Variants in CD99 observed in about 807,000 individuals in gnomAD.
CD99 encodes CD99 molecule (Xg blood group), also known as CD99 antigen.
In CD99, 19 loss-of-function variants were observed where a neutral mutation model predicts 28.4. The ratio of observed to expected loss-of-function variants is 0.67; its 90% confidence interval spans 0.47 to 0.98. CD99 has a LOEUF of 0.98. CD99 is among the 50% of genes least tolerant of loss of function. The pLI, the probability that CD99 is intolerant of heterozygous loss-of-function variation, is 0.00. For synonymous variants in CD99, 103 were observed against 92.1 expected (o/e 1.12, Z -0.67); for missense variants, 283 against 248.8 (o/e 1.14, Z -0.92).
chrX:2,699,940 C>A (rs1221463770), intron 1 of CD99, among the ~76,000 whole-genome samples: 1 of 152,214 alleles, frequency 6.6e-6, no homozygotes, highest in Non-Finnish European at 1.5e-5. Context: ...TTTGTTATTT[C>A]ATCTTCAGCG....
chrX:2,692,053 T>C (rs1251294872), intron 1 of CD99: 8 of 626,444 alleles, frequency 1.3e-5, no homozygotes, highest in Middle Eastern at 3.9e-4. Context: ...CTTACCAAAT[T>C]GTCCATCTGC....
At chrX:2,737,011 G>T (rs1046044834) in intron 8 of CD99, among the ~76,000 whole-genome samples, 14 of 151,818 alleles carry the variant, frequency 9.2e-5, no homozygotes, top group African/African-American at 3.4e-4. Flanking sequence ...CTTAGTGCTC[G>T]GAGTCCTCAC....
Position 2,740,784 on chromosome X carries a change from C to T in CD99, c.538C>T (p.Arg180Cys), listed in dbSNP as rs1422049823. The T allele has an allele frequency of 4.3e-6, 7 of 1,613,864 alleles. No homozygotes were observed. The highest frequency in any genetic ancestry group is 2.2e-5 in the South Asian group (2 of 91,056). Residue 180 changes from arginine to cysteine, a missense_variant, in exon 10 of 10, where the codon CGT becomes TGT. Physicochemically the swap from Arg to Cys is radical, Grantham distance 180. Transcript: ENST00000381192. The stretch of plus-strand genomic sequence containing the variant: ...TTTGTCTCTGTCTCCCACAGTTCAG[C>T]GTACTCTTTTAGAGAAATAGAAGAT... The part of the protein sequence containing the change: ...RNANAEPAVQ[R>C]TLLEK
chrX:2,739,449 T>C (rs73630844), intron 9 of CD99, among the ~76,000 whole-genome samples: 4,099 of 151,896 alleles, frequency 0.027, 191 homozygotes, highest in African/African-American at 0.094. Context: ...TTTAAAATAT[T>C]TTAATTTTTT....
At chrX:2,695,267 A>G (rs1265524502) in intron 1 of CD99, among the ~76,000 whole-genome samples, 3 of 151,928 alleles carry the variant, frequency 2.0e-5, no homozygotes, top group African/African-American at 7.3e-5. Context: ...GTGAAGTGGC[A>G]CGATCTCAGC....
At chrX:2,722,582 G>A (rs1321418386) in intron 5 of CD99, 45 bp from the exon 6 acceptor site, 1 of 1,581,136 alleles carries the variant, frequency 6.3e-7, no homozygotes, top group South Asian at 1.1e-5. Flanking sequence ...GAAGACCCTT[G>A]GAGGAGTTCC....
intron 8 of CD99, among the ~76,000 whole-genome samples, chrX:2,732,108 C>T (rs1326187113): frequency 1.3e-5 from 2 of 152,088 alleles, no homozygotes; most frequent in East Asian, 3.9e-4. Flanking sequence ...TCCGTTCCTC[C>T]CTTCCTACAG....
chrX:2,711,837 C>G lies in CD99; in HGVS notation c.68-2585C>G, dbSNP rs185115008. On this transcript the variant is annotated intron_variant, in intron 1 of 9. Transcript: ENST00000381192. ...GGTGGATCACCTGAGGTCAGGAGTT[C>G]AAGACCAGCCTGGCCAACATGGTGA... Among the ~76,000 whole-genome samples the G allele has an allele frequency of 8.5e-5, 13 of 152,092 alleles. No individual in the cohort carries two copies. In the East Asian group the frequency reaches 2.3e-3, roughly 27 times the overall value.
chrX:2,722,131 A>T (rs931894681), intron 5 of CD99, among the ~76,000 whole-genome samples: 6 of 144,180 alleles, frequency 4.2e-5, no homozygotes, highest in South Asian at 2.2e-4. Context: ...TTTTAAAATT[A>T]AAAAAAAAAA....
Position 2,740,941 on chromosome X carries a change from C to T in CD99, c.*137C>T. 6 of 968,846 alleles carry T rather than the reference C, an allele frequency of 6.2e-6. No homozygotes were observed. Among genetic ancestry groups the T allele is most frequent in the South Asian group, 1.3e-5 (1 of 76,192 alleles). The allele number at this position is 968,846 out of a possible 1,614,324, so 60.0% of individuals were successfully genotyped here. A position where few individuals can be genotyped will look rare whatever the true frequency, so the allele number is the denominator to read the frequency against. The stretch of plus-strand genomic sequence containing the variant: ...CGGCGGATTCTTTGTTTTAATCTTG[C>T]GATGTGCTTTGCTTGTTGCTGGGCG... On this transcript the variant is annotated 3_prime_UTR_variant, in exon 10 of 10. Coordinates refer to ENST00000381192, the MANE Select transcript of CD99 (RefSeq NM_002414.5).
At position 2,733,442 on chromosome X, in the gene CD99, A is replaced by G. The variant is rs2049779220; in HGVS notation, c.476-4758A>G. On this transcript the variant is annotated intron_variant, in intron 8 of 9. Transcript: ENST00000381192. ...GTAATCGTTTTATCTGCTAAGACAT[A>G]GCCTTAAAGCAAACCCTTCCATCTG... 6 of 1,507,472 alleles carry G rather than the reference A, an allele frequency of 4.0e-6. No homozygotes were observed. In the Admixed American group the frequency reaches 1.2e-4, roughly 29 times the overall value. 93.4% of individuals were successfully genotyped at this position (1,507,472 alleles called of 1,614,324 possible). A position where few individuals can be genotyped will look rare whatever the true frequency, so the allele number is the denominator to read the frequency against.
intron 9 of CD99, among the ~76,000 whole-genome samples, chrX:2,740,333 C>G (rs1195241092): frequency 6.6e-6 from 1 of 152,144 alleles, no homozygotes; most frequent in Admixed American, 6.5e-5. Context: ...ATTCCTTCTT[C>G]CAAATCCCAG....
intron 1 of CD99, among the ~76,000 whole-genome samples, chrX:2,712,664 TG>T (rs2048466867): frequency 6.6e-6 from 1 of 152,098 alleles, no homozygotes; most frequent in Non-Finnish European, 1.5e-5. Flanking sequence ...TCTGAGGTTG[TG>T]GAAACGACTC....
rs766800807 is a variant in CD99 at position 2,691,488 on chromosome X, C to G, written c.67+61C>G. On this transcript the variant is annotated intron_variant, in intron 1 of 9. Transcript: ENST00000381192. ...GAGGGCGCGGGCCGGGACTGGGGAT[C>G]CGCTTGAGATGCGGCGTTGGGGGCG... The G allele has an allele frequency of 3.3e-5, 50 of 1,519,756 alleles. No individual in the cohort carries two copies. In the East Asian group the frequency reaches 1.2e-3, roughly 35 times the overall value. The allele number at this position is 1,519,756 out of a possible 1,614,324, so 94.1% of individuals were successfully genotyped here. A position where few individuals can be genotyped will look rare whatever the true frequency, so the allele number is the denominator to read the frequency against.
In CD99 at chrX:2,711,113, C is replaced by G. The variant is rs1023564985; in HGVS notation, c.68-3309C>G. Among the ~76,000 whole-genome samples the G allele has an allele frequency of 4.0e-5, 6 of 150,542 alleles. 1 individual carries two copies. In the South Asian group the frequency reaches 6.3e-4, roughly 16 times the overall value. On this transcript the variant is annotated intron_variant, in intron 1 of 9. Transcript: ENST00000381192. Reference sequence around the variant, plus strand: ...GTCTCGAACTCCTGACCTCGTGATCCTCTCACCTTGGCCTCCCAAAGTGCT... The same window carrying G: ...GTCTCGAACTCCTGACCTCGTGATCGTCTCACCTTGGCCTCCCAAAGTGCT...
chrX:2,728,524 G>C (rs906364094), intron 8 of CD99, among the ~76,000 whole-genome samples: 10 of 152,002 alleles, frequency 6.6e-5, no homozygotes, highest in Non-Finnish European at 1.5e-4. Context: ...TGGCAGTTTT[G>C]AGCGGGACCC....
At chrX:2,696,036 A>G (rs1191323523) in intron 1 of CD99, among the ~76,000 whole-genome samples, 1 of 152,246 alleles carries the variant, frequency 6.6e-6, no homozygotes, top group Non-Finnish European at 1.5e-5. Context: ...TTTCATTGAT[A>G]CATGAGAGAT....
intron 8 of CD99, among the ~76,000 whole-genome samples, chrX:2,735,998 C>G (rs754047269): frequency 6.6e-5 from 10 of 151,806 alleles, no homozygotes; most frequent in Non-Finnish European, 1.0e-4. Context: ...GTCAGGAGAT[C>G]GAGACCATCC....
chrX:2,706,729 C>T (rs1186644648), intron 1 of CD99, among the ~76,000 whole-genome samples: 2 of 152,156 alleles, frequency 1.3e-5, no homozygotes, highest in East Asian at 3.9e-4. Flanking sequence ...AATGATGTCC[C>T]TGGCTGCTGC....
Sources: gnomAD v4.1 joint callset for allele counts (sites outside exome capture counted in the v4.1 genomes callset) on GRCh38, gnomAD v4.1.1 for gene constraint, MANE v1.5 for transcripts, NCBI Gene and HGNC (gene_info 2026-07-23, HGNC 2026-07-21) for gene names.